Variants in PHACTR1 observed in about 807,000 individuals in gnomAD.
PHACTR1 encodes RPEL repeat containing 1.
A neutral mutation model predicts 69.2 loss-of-function variants in PHACTR1; 16 were observed. The observed-to-expected ratio is 0.23, with a 90% CI of 0.16 to 0.35. The LOEUF (loss-of-function observed/expected upper bound fraction) is 0.35, where lower values mean the gene tolerates loss of function less well. PHACTR1 is among the 10% of genes least tolerant of loss of function. PHACTR1 has a pLI of 1.00. For synonymous variants in PHACTR1, 312 were observed against 284.5 expected, an observed-to-expected ratio of 1.10 and a Z score of -0.97; for missense variants, 510 against 734.7, an observed-to-expected ratio of 0.69 and a Z score of 3.54.
chr6:13,271,015 C>CTTT (rs142906501), intron 10 of PHACTR1, among the ~76,000 whole-genome samples: 4 of 138,928 alleles, frequency 2.9e-5, no homozygotes, highest in African/African-American at 8.0e-5. Context: ...TTTTTTTTTT[C>CTTT]TTTTTTTTTT....
At chr6:12,725,644 A>G (rs928450749) in intron 3 of PHACTR1, among the ~76,000 whole-genome samples, 10 of 152,242 alleles carry the variant, frequency 6.6e-5, no homozygotes, top group Admixed American at 6.5e-4. Context: ...TAAGTGAGGT[A>G]TGCCTATAAA....
intron 5 of PHACTR1, among the ~76,000 whole-genome samples, chr6:13,120,352 G>A (rs1435329038): frequency 2.0e-5 from 3 of 152,000 alleles, no homozygotes; most frequent in South Asian, 2.1e-4. Flanking sequence ...ATAACAAGGG[G>A]CCCCACTGTG....
At chr6:13,051,331 G>C (rs754280343) in intron 4 of PHACTR1, among the ~76,000 whole-genome samples, 20 of 152,012 alleles carry the variant, frequency 1.3e-4, no homozygotes, top group Admixed American at 3.3e-4. Flanking sequence ...GTACAGAGTG[G>C]GCATACAATA....
At chr6:13,162,357 C>G (rs1759164398) in intron 6 of PHACTR1, among the ~76,000 whole-genome samples, 1 of 152,000 alleles carries the variant, frequency 6.6e-6, no homozygotes. Flanking sequence ...AAACTCCTGA[C>G]CTCAGGTGAT....
intron 4 of PHACTR1, among the ~76,000 whole-genome samples, chr6:12,965,438 G>A (rs1793329445): frequency 2.2e-5 from 3 of 133,990 alleles, no homozygotes; most frequent in Non-Finnish European, 3.1e-5. Context: ...CTTTTTCACA[G>A]TCTATTTTGT....
chr6:12,924,575 C>A (rs918041938), intron 4 of PHACTR1, among the ~76,000 whole-genome samples: 8 of 152,058 alleles, frequency 5.3e-5, no homozygotes, highest in African/African-American at 1.9e-4. Context: ...AAGATCGAGA[C>A]CATCCTGGCT....
chr6:12,961,076 G>C (rs376884325), intron 4 of PHACTR1, among the ~76,000 whole-genome samples: 215 of 152,188 alleles, frequency 1.4e-3, no homozygotes, highest in African/African-American at 4.4e-3. Flanking sequence ...GCAGGGAAAG[G>C]GTTTCCTAAA....
intron 5 of PHACTR1, among the ~76,000 whole-genome samples, chr6:13,074,117 C>G (rs751241795): frequency 6.6e-6 from 1 of 152,198 alleles, no homozygotes; most frequent in South Asian, 2.1e-4. Context: ...ATGATCCACC[C>G]GCCTTGGCCT....
chr6:13,239,756 G>T (rs1486328869), intron 10 of PHACTR1, among the ~76,000 whole-genome samples: 2 of 152,178 alleles, frequency 1.3e-5, no homozygotes, highest in African/African-American at 4.8e-5. Context: ...CTACAGCAAA[G>T]ACTGAACTCT....
At chr6:12,840,645 C>G (rs13192509) in intron 4 of PHACTR1, among the ~76,000 whole-genome samples, 28,681 of 152,058 alleles carry the variant, frequency 0.19, 2,910 homozygotes, top group African/African-American at 0.26. Context: ...CAGTAAAATC[C>G]TAGATAGAAA....
chr6:12,743,748 G>A (rs970642836), intron 3 of PHACTR1, among the ~76,000 whole-genome samples: 7 of 152,102 alleles, frequency 4.6e-5, no homozygotes, highest in Admixed American at 1.3e-4. Flanking sequence ...ACAGATCAAC[G>A]AGACAGAAAG....
chr6:13,114,940 C>T (rs142348261), intron 5 of PHACTR1, among the ~76,000 whole-genome samples: 1 of 152,276 alleles, frequency 6.6e-6, no homozygotes, highest in Non-Finnish European at 1.5e-5. Flanking sequence ...TACATATTCT[C>T]ACAGAACTAG....
chr6:12,994,325 C>T (rs1797167028), intron 4 of PHACTR1, among the ~76,000 whole-genome samples: 1 of 152,040 alleles, frequency 6.6e-6, no homozygotes, highest in African/African-American at 2.4e-5. Context: ...TGGGATTTTT[C>T]CCCCCCTTGG....
intron 4 of PHACTR1, among the ~76,000 whole-genome samples, chr6:12,902,141 G>A (rs1033583122): frequency 1.1e-4 from 16 of 152,152 alleles, no homozygotes; most frequent in African/African-American, 3.6e-4. Context: ...ACCTGCTATA[G>A]GCCAGGCCTG....
At chr6:12,962,940 T>C (rs920051502) in intron 4 of PHACTR1, among the ~76,000 whole-genome samples, 1 of 152,198 alleles carries the variant, frequency 6.6e-6, no homozygotes, top group Non-Finnish European at 1.5e-5. Flanking sequence ...TGAACAGTGA[T>C]ATTCAAGGAT....
At chr6:12,847,108 C>T (rs1052060463) in intron 4 of PHACTR1, among the ~76,000 whole-genome samples, 4 of 152,130 alleles carry the variant, frequency 2.6e-5, no homozygotes, top group Non-Finnish European at 5.9e-5. Context: ...TGAGCCACTG[C>T]GCCCAGCAGC....
Sources: allele counts gnomAD v4.1 joint callset (sites outside exome capture counted in the v4.1 genomes callset), GRCh38; gene constraint gnomAD v4.1.1; transcripts MANE v1.5; gene names NCBI Gene and HGNC (gene_info 2026-07-23, HGNC 2026-07-21).